AKR1C2: variants seen among roughly 807,000 people sequenced by gnomAD.
The protein encoded by AKR1C2 is 3-alpha-HSD3.
In AKR1C2, 27 loss-of-function variants were observed where a neutral mutation model predicts 39.8. That is an observed-to-expected ratio of 0.68 (90% confidence interval 0.50 to 0.93). AKR1C2 has a LOEUF of 0.93. AKR1C2 is among the 40% of genes least tolerant of loss of function. The probability of loss-of-function intolerance (pLI) is 0.00; values close to 1 mark genes in which losing one functional copy is unlikely to be tolerated. For missense variants in AKR1C2, 263 were observed against 365.1 expected (o/e 0.72, Z 2.28); for synonymous variants, 114 against 137.9 (o/e 0.83, Z 1.22).
chr10:5,001,845 G>A (rs1468083965), intron 1 of AKR1C2, among the ~76,000 whole-genome samples, 164 bp from the exon 2 acceptor site: 1 of 152,166 alleles, frequency 6.6e-6, no homozygotes, highest in African/African-American at 2.4e-5. Context: ...TTCCCATTTA[G>A]TAATAAAGGT....
intron 1 of AKR1C2, among the ~76,000 whole-genome samples, chr10:5,016,609 CA>C (rs1554775369): frequency 1.3e-5 from 2 of 152,194 alleles, no homozygotes; most frequent in African/African-American, 4.8e-5. Context: ...TGAGTGTCTG[CA>C]GCTTTTCCAG....
intron 1 of AKR1C2, chr10:5,010,608 C>T (rs536720090): frequency 2.0e-5 from 3 of 152,212 alleles, no homozygotes; most frequent in South Asian, 2.1e-4. Context: ...CGGCACACTC[C>T]CTCTCATGCG....
chr10:4,989,852 T>C lies in AKR1C2; in HGVS notation c.*144A>G. The C allele has an allele frequency of 8.3e-7, 1 of 1,205,878 alleles. No individual in the cohort carries two copies. The highest frequency in any genetic ancestry group is 1.2e-6 in the Non-Finnish European group (1 of 858,446). The allele number at this position is 1,205,878 out of a possible 1,614,324, so 74.7% of individuals were successfully genotyped here. The stretch of plus-strand genomic sequence containing the variant: ...ATTATTGTCTTTCTTTTCCGGCCGA[T>C]GGGCTTAGCTGTAGCTTACTGAAGT... On this transcript the variant is annotated 3_prime_UTR_variant, in exon 9 of 9. Transcript: ENST00000380753.
Position 4,998,615 on chromosome 10 carries a change from G to C in AKR1C2, c.570+10C>G. Reference sequence around the variant, plus strand: ...AAGAACAGAAAGGAGAGGAGGCTGAGGGCGCTCACCTGGTTGCAGACAGGC... The same window carrying C: ...AAGAACAGAAAGGAGAGGAGGCTGACGGCGCTCACCTGGTTGCAGACAGGC... On this transcript the variant is annotated intron_variant, in intron 5 of 8. Coordinates refer to ENST00000380753, the MANE Select transcript of AKR1C2 (RefSeq NM_001393392.1). 1.2e-6 allele frequency: 2 copies of C among 1,613,932 alleles called. No individual in the cohort carries two copies.
At chr10:5,011,916 T>C (rs1479296776) in intron 1 of AKR1C2, among the ~76,000 whole-genome samples, 1 of 152,236 alleles carries the variant, frequency 6.6e-6, no homozygotes, top group African/African-American at 2.4e-5. Flanking sequence ...TTTGTCTGTA[T>C]AAGTTATAAC....
intron 1 of AKR1C2, among the ~76,000 whole-genome samples, chr10:5,001,909 C>T (rs1554773885): frequency 6.6e-6 from 1 of 152,220 alleles, no homozygotes; most frequent in Non-Finnish European, 1.5e-5. Context: ...TGACCACTAG[C>T]TTGGAAGTGT....
upstream of AKR1C2, chr10:5,004,595 C>T (rs1837359676): frequency 6.6e-6 from 1 of 152,144 alleles, no homozygotes; most frequent in Non-Finnish European, 1.5e-5. Flanking sequence ...TTATAAGTTA[C>T]TACCAAAAAG....
At chr10:5,015,517 A>T (rs1837618964) in intron 1 of AKR1C2, among the ~76,000 whole-genome samples, 1 of 152,102 alleles carries the variant, frequency 6.6e-6, no homozygotes, top group Non-Finnish European at 1.5e-5. Context: ...CAGACTCCTC[A>T]TTGGTACAGC....
At chr10:4,995,975 G>C in intron 5 of AKR1C2, 110 bp from the exon 6 acceptor site, 22 of 1,190,216 alleles carry the variant, frequency 1.8e-5, no homozygotes, top group Non-Finnish European at 2.5e-5. Flanking sequence ...TTTGAACTGA[G>C]AATATTATTG....
At chr10:4,994,977 T>C (rs1421021124) in intron 7 of AKR1C2, among the ~76,000 whole-genome samples, 1 of 109,508 alleles carries the variant, frequency 9.1e-6, no homozygotes, top group Non-Finnish European at 1.9e-5. Context: ...TACATAAACA[T>C]ACAAGAAGAA....
intron 7 of AKR1C2, among the ~76,000 whole-genome samples, chr10:4,995,102 C>T (rs1332710294): frequency 1.0e-5 from 1 of 99,532 alleles, no homozygotes; most frequent in African/African-American, 4.3e-5. Flanking sequence ...TTAACGCTAA[C>T]CCAAATCTGT....
At chr10:5,012,026 C>T (rs1937854) in intron 1 of AKR1C2, among the ~76,000 whole-genome samples, 8,953 of 150,750 alleles carry the variant, frequency 0.059, 362 homozygotes, top group South Asian at 0.11. Context: ...GCATGTACAG[C>T]GAAAAAAGAT....
Position 4,998,688 on chromosome 10 carries a change from G to A in AKR1C2, c.507C>T (p.Asn169=). 1 of 1,614,182 alleles carries A rather than the reference G, an allele frequency of 6.2e-7. No individual in the cohort carries two copies. Residue 169 remains asparagine, a synonymous_variant, in exon 5 of 9, where the codon AAC becomes AAT. Coordinates refer to ENST00000380753, the MANE Select transcript of AKR1C2 (RefSeq NM_001393392.1). ...TGAGGATCATCTCCAGCAGCCTGTGGTTGAAGTTGGACACCCCGATGGACT... is the reference window on the plus strand; with the variant it reads ...TGAGGATCATCTCCAGCAGCCTGTGATTGAAGTTGGACACCCCGATGGACT... ...LAKSIGVSNF[N]HRLLEMILNK...
chr10:5,006,885 T>C (rs1554774460), upstream of AKR1C2, among the ~76,000 whole-genome samples: 1 of 151,914 alleles, frequency 6.6e-6, no homozygotes, highest in Non-Finnish European at 1.5e-5. Context: ...GCAATTCTCC[T>C]GCCTCAGCCT....
chr10:4,997,186 C>T (rs1307795990), intron 5 of AKR1C2: 9 of 152,150 alleles, frequency 5.9e-5, no homozygotes, highest in Non-Finnish European at 1.2e-4. Flanking sequence ...TTTTCTTGCC[C>T]CAAAGTTTTA....
At chr10:5,009,278 T>C (rs1813078770) in intron 1 of AKR1C2, among the ~76,000 whole-genome samples, 1 of 152,202 alleles carries the variant, frequency 6.6e-6, no homozygotes, top group Non-Finnish European at 1.5e-5. Context: ...GTCACCAATG[T>C]TGACTCTGGA....
intron 8 of AKR1C2, among the ~76,000 whole-genome samples, chr10:4,990,710 G>T (rs780808975): frequency 2.0e-5 from 3 of 151,908 alleles, no homozygotes; most frequent in East Asian, 1.9e-4. Flanking sequence ...CCTATCCTTT[G>T]TGATTACACC....
chr10:4,990,967 GT>G (rs1836820766), intron 8 of AKR1C2, among the ~76,000 whole-genome samples: 1 of 150,966 alleles, frequency 6.6e-6, no homozygotes, highest in Admixed American at 6.6e-5. Context: ...CATTGTGCTT[GT>G]TTTTTTCACA....
In AKR1C2 at chr10:5,000,591, A is replaced by G; in HGVS notation, c.328T>C (p.Tyr110His). ...AAATGAATAAGATAGAGGTCAACATAGTCCAATTGAAGATTTTTCAGTGAC... is the reference window on the plus strand; with the variant it reads ...AAATGAATAAGATAGAGGTCAACATGGTCCAATTGAAGATTTTTCAGTGAC... ...ERSLKNLQLD[Y>H]VDLYLIHFPV... The change falls in exon 3 of 9, where the codon TAT (tyrosine) becomes CAT (histidine). Residue 110 changes from tyrosine to histidine, a missense_variant. Around this residue, in one of 3 missense-constraint regions of AKR1C2, gnomAD observed 247 missense variants for 267.9 expected, o/e 0.92. Coordinates refer to ENST00000380753, the MANE Select transcript of AKR1C2 (RefSeq NM_001393392.1). The G allele has an allele frequency of 1.2e-6, 2 of 1,614,064 alleles. No homozygotes were observed. Among genetic ancestry groups the G allele is most frequent in the Non-Finnish European group, 1.7e-6 (2 of 1,179,932 alleles).
Sources: gnomAD v4.1 joint callset for allele counts (sites outside exome capture counted in the v4.1 genomes callset) on GRCh38, gnomAD v4.1.1 for gene constraint, gnomAD v4.1.1 regional missense constraint, MANE v1.5 for transcripts, NCBI Gene and HGNC (gene_info 2026-07-23, HGNC 2026-07-21) for gene names.